The following SLC44A5 variants were observed in gnomAD, a reference collection of about 807,000 sequenced individuals.
SLC44A5 encodes choline transporter-like protein 5.
A neutral mutation model predicts 101.8 loss-of-function variants in SLC44A5; 57 were observed. The ratio of observed to expected loss-of-function variants is 0.56; its 90% confidence interval spans 0.45 to 0.70. The LOEUF (loss-of-function observed/expected upper bound fraction) is 0.70, where lower values mean the gene tolerates loss of function less well. Among genes scored for constraint, SLC44A5 ranks in the 30% least tolerant of loss-of-function variants. The pLI, the probability that SLC44A5 is intolerant of heterozygous loss-of-function variation, is 0.00. For synonymous variants in SLC44A5, 281 were observed against 290.9 expected (o/e 0.97, Z 0.35); for missense variants, 737 against 853.1 (o/e 0.86, Z 1.70).
At chr1:75,445,246 A>G (rs1665485279) in intron 2 of SLC44A5, among the ~76,000 whole-genome samples, 1 of 152,014 alleles carries the variant, frequency 6.6e-6, no homozygotes, top group African/African-American at 2.4e-5. Context: ...GTTGTTTAAC[A>G]TGCCTGGTAT....
the SLC44A5 span, among the ~76,000 whole-genome samples, chr1:75,715,291 C>T: frequency 5.9e-4 from 90 of 152,080 alleles, no homozygotes; most frequent in African/African-American, 2.0e-3. Flanking sequence ...TTTAAAAAAA[C>T]AATATTTTAA....
intron 1 of SLC44A5, among the ~76,000 whole-genome samples, chr1:75,549,578 A>T (rs1204795499): frequency 1.3e-5 from 2 of 152,160 alleles, no homozygotes; most frequent in East Asian, 3.9e-4. Flanking sequence ...GCATAGGTGC[A>T]GATGGTAGGA....
At chr1:75,478,720 C>A (rs1190507766) in intron 2 of SLC44A5, among the ~76,000 whole-genome samples, 1 of 152,152 alleles carries the variant, frequency 6.6e-6, no homozygotes, top group African/African-American at 2.4e-5. Flanking sequence ...AATATATATG[C>A]ACCCAATACA....
intron 3 of SLC44A5, 125 bp downstream of exon 3, chr1:75,396,458 G>T: frequency 2.5e-6 from 2 of 806,068 alleles, no homozygotes; most frequent in Admixed American, 2.3e-5. Context: ...AAAAGCTTCA[G>T]TCAGCAATTA....
chr1:75,615,912 C>T (rs1328383261), upstream of SLC44A5: 2 of 985,238 alleles, frequency 2.0e-6, no homozygotes, highest in Non-Finnish European at 2.4e-6. Context: ...CTCCCCCGGA[C>T]CCCCCACGCG....
rs989933344 is a variant in SLC44A5, at chr1:75,536,749, G to A, written c.13+4686C>T. On this transcript the variant is annotated intron_variant, in intron 2 of 23. Coordinates refer to ENST00000370859, the MANE Select transcript of SLC44A5 (RefSeq NM_001130058.2). ...AGGCCGGGCGCGGTGGCTCACGCCT[G>A]TAATCCCAGCACTTTGGGAGGCCGA... Among the ~76,000 whole-genome samples the A allele has an allele frequency of 1.8e-4, 27 of 148,738 alleles. 1 individual carries two copies. The highest frequency in any genetic ancestry group is 2.1e-4 in the South Asian group (1 of 4,724).
At chr1:75,618,389 C>T in the SLC44A5 span, among the ~76,000 whole-genome samples, 1 of 152,234 alleles carries the variant, frequency 6.6e-6, no homozygotes, top group Non-Finnish European at 1.5e-5. Context: ...AAGGCCACAA[C>T]TACCCAGGCC....
intron 2 of SLC44A5, among the ~76,000 whole-genome samples, chr1:75,426,557 A>C (rs967779273): frequency 1.3e-5 from 2 of 152,250 alleles, no homozygotes; most frequent in Admixed American, 1.3e-4. Flanking sequence ...ACATCTAACC[A>C]GTTACAGTGA....
At chr1:75,261,819 G>A (rs974123844) in intron 6 of SLC44A5, among the ~76,000 whole-genome samples, 1 of 152,064 alleles carries the variant, frequency 6.6e-6, no homozygotes, top group Non-Finnish European at 1.5e-5. Context: ...TATCCACCAC[G>A]AGCAAGTCAG....
intron 2 of SLC44A5, among the ~76,000 whole-genome samples, chr1:75,483,372 A>G (rs374613133): frequency 2.0e-4 from 30 of 152,348 alleles, no homozygotes; most frequent in African/African-American, 7.0e-4. Context: ...TGGTTCCCTA[A>G]AGCCACAAAT....
At chr1:75,469,253 C>A (rs756415823) in intron 2 of SLC44A5, among the ~76,000 whole-genome samples, 4 of 152,098 alleles carry the variant, frequency 2.6e-5, no homozygotes, top group Non-Finnish European at 4.4e-5. Flanking sequence ...TCAGACTAGC[C>A]ACATTTCAGG....
At chr1:75,339,445 C>T (rs1657698141) in intron 4 of SLC44A5, 137 bp downstream of exon 4, 1 of 653,364 alleles carries the variant, frequency 1.5e-6, no homozygotes, top group Non-Finnish European at 2.6e-6. Context: ...AATAAGGTGA[C>T]ATTTAGGCAG....
chr1:75,479,256 G>T (rs1337186972), intron 2 of SLC44A5, among the ~76,000 whole-genome samples: 1 of 152,224 alleles, frequency 6.6e-6, no homozygotes, highest in Non-Finnish European at 1.5e-5. Context: ...AAAGCAGTGT[G>T]TAGCGGGAAA....
intron 6 of SLC44A5, among the ~76,000 whole-genome samples, chr1:75,252,859 T>C (rs1649699268): frequency 6.6e-6 from 1 of 152,200 alleles, no homozygotes; most frequent in African/African-American, 2.4e-5. Context: ...GTACCTCACC[T>C]GACATTAAGA....
At chr1:75,390,867 CA>C (rs1186470683) in intron 3 of SLC44A5, among the ~76,000 whole-genome samples, 2 of 152,040 alleles carry the variant, frequency 1.3e-5, no homozygotes. Context: ...GAGAACAAAA[CA>C]AAACGGATCT....
chr1:75,398,990 G>C (rs1006435834), intron 2 of SLC44A5, among the ~76,000 whole-genome samples: 1 of 151,900 alleles, frequency 6.6e-6, no homozygotes, highest in Non-Finnish European at 1.5e-5. Context: ...GGAGCCAAAA[G>C]AGTCATACTT....
upstream of SLC44A5, among the ~76,000 whole-genome samples, chr1:75,615,191 C>T (rs1675816043): frequency 6.6e-6 from 1 of 152,026 alleles, no homozygotes; most frequent in African/African-American, 2.4e-5. Flanking sequence ...GGAGCCACTG[C>T]CCGTCTCGAC....
the SLC44A5 span, among the ~76,000 whole-genome samples, chr1:75,715,917 T>G: frequency 6.6e-6 from 1 of 152,042 alleles, no homozygotes; most frequent in South Asian, 2.1e-4. Context: ...ATATTTGCAA[T>G]GAAGGTCAAT....
At chr1:75,421,644 C>A (rs945040192) in intron 2 of SLC44A5, among the ~76,000 whole-genome samples, 1 of 152,062 alleles carries the variant, frequency 6.6e-6, no homozygotes, top group Non-Finnish European at 1.5e-5. Context: ...TTAAGATCAC[C>A]ATTTTGCATA....
Sources: gnomAD v4.1 joint callset for allele counts (sites outside exome capture counted in the v4.1 genomes callset) on GRCh38, gnomAD v4.1.1 for gene constraint, MANE v1.5 for transcripts, NCBI Gene and HGNC (gene_info 2026-07-23, HGNC 2026-07-21) for gene names.